FHOD3: variants seen among roughly 807,000 people sequenced by gnomAD.
FHOD3 encodes the protein formin homology 2 domain containing 3.
Under a neutral mutation model 173.0 loss-of-function variants are expected in FHOD3, and 90 were observed. That is an observed-to-expected ratio of 0.52 (90% CI 0.44 to 0.62). The LOEUF is 0.62. FHOD3 is among the 20% of genes least tolerant of loss of function. FHOD3 has a pLI of 0.00. For missense variants in FHOD3, 1,945 were observed against 2,034.7 expected (o/e 0.96, Z 0.85); for synonymous variants, 828 against 823.0 (o/e 1.01, Z -0.10).
At chr18:36,694,976 G>GGGGT (rs138882850) in intron 17 of FHOD3, among the ~76,000 whole-genome samples, 21 of 149,244 alleles carry the variant, frequency 1.4e-4, no homozygotes, top group East Asian at 4.0e-4. Flanking sequence ...TGTATACGTG[G>GGGGT]GTGTGTGTGT....
intron 3 of FHOD3, among the ~76,000 whole-genome samples, chr18:36,423,056 T>A (rs2050065962): frequency 6.6e-6 from 1 of 152,082 alleles, no homozygotes; most frequent in African/African-American, 2.4e-5. Flanking sequence ...CCTGGAGCTC[T>A]GCTTCCTGGA....
intron 3 of FHOD3, among the ~76,000 whole-genome samples, chr18:36,480,272 T>C (rs2053813570): frequency 6.6e-6 from 1 of 152,218 alleles, no homozygotes; most frequent in Non-Finnish European, 1.5e-5. Context: ...TTTCATTTGC[T>C]GTGTTGGAGC....
intron 1 of FHOD3, among the ~76,000 whole-genome samples, chr18:36,299,513 G>A (rs899355045): frequency 5.9e-5 from 9 of 152,170 alleles, no homozygotes; most frequent in Non-Finnish European, 4.4e-5. Context: ...TCATAATTGT[G>A]GCCCTGTGAC....
At chr18:36,669,362 G>T (rs2037386421) in intron 14 of FHOD3, among the ~76,000 whole-genome samples, 1 of 151,652 alleles carries the variant, frequency 6.6e-6, no homozygotes, top group Non-Finnish European at 1.5e-5. Context: ...ATATAGTGTT[G>T]AATCTTTTTT....
chr18:36,453,310 G>A (rs2051975060), intron 3 of FHOD3, among the ~76,000 whole-genome samples: 2 of 152,168 alleles, frequency 1.3e-5, no homozygotes, highest in African/African-American at 4.8e-5. Flanking sequence ...TGACAGTTTT[G>A]GTTCCCCAAC....
At chr18:36,339,340 G>A (rs539578210) in intron 1 of FHOD3, among the ~76,000 whole-genome samples, 1 of 152,310 alleles carries the variant, frequency 6.6e-6, no homozygotes, top group East Asian at 1.9e-4. Context: ...CGGGCTCATA[G>A]CCCAGAACCC....
At position 36,779,781 on chromosome 18, in the gene FHOD3, T is replaced by C. The variant is rs750495295; in HGVS notation, c.*251T>C. Reference sequence around the variant, plus strand: ...CTTGATTCCGTGACACCCGGTTTATTAGTTCAAAAGTGTGACACCTTTTCT... The same window carrying C: ...CTTGATTCCGTGACACCCGGTTTATCAGTTCAAAAGTGTGACACCTTTTCT... On this transcript the variant is annotated 3_prime_UTR_variant, in exon 29 of 29. Coordinates refer to ENST00000590592, the MANE Select transcript of FHOD3 (RefSeq NM_001281740.3). The C allele has an allele frequency of 1.1e-5, 6 of 541,424 alleles. No homozygotes were observed. The highest frequency in any genetic ancestry group is 5.7e-5 in the African/African-American group (3 of 52,946). 33.5% of individuals were successfully genotyped at this position (541,424 alleles called of 1,614,324 possible). A position where few individuals can be genotyped will look rare whatever the true frequency, so the allele number is the denominator to read the frequency against.
At chr18:36,639,607 G>C (rs560641141) in intron 10 of FHOD3, among the ~76,000 whole-genome samples, 3 of 151,394 alleles carry the variant, frequency 2.0e-5, no homozygotes, top group Non-Finnish European at 2.9e-5. Flanking sequence ...AGCTTGCAGT[G>C]AGCGGAGATC....
chr18:36,755,079 T>G (rs2150201322), intron 24 of FHOD3, 40 bp from the exon 25 acceptor site: 2 of 1,385,536 alleles, frequency 1.4e-6, no homozygotes, highest in East Asian at 5.3e-5. Context: ...TTTTATTTCT[T>G]AAAACGGAAG....
At chr18:36,444,839 C>G (rs970414952) in intron 3 of FHOD3, among the ~76,000 whole-genome samples, 1 of 152,272 alleles carries the variant, frequency 6.6e-6, no homozygotes, top group East Asian at 1.9e-4. Context: ...TTCAACAACT[C>G]TCCTATGTAA....
chr18:36,447,986 C>T (rs1175210178), intron 3 of FHOD3, among the ~76,000 whole-genome samples: 1 of 151,946 alleles, frequency 6.6e-6, no homozygotes, highest in African/African-American at 2.4e-5. Flanking sequence ...GACTTTTGTG[C>T]CTTTGGACTT....
chr18:36,336,142 CAAATTGTA>C lies in FHOD3; in HGVS notation c.166-19392_166-19385del, dbSNP rs2045297272. On this transcript the variant is annotated intron_variant, in intron 1 of 28. Transcript: ENST00000590592. ...GGCCGTAAGAAACTGCATGTTTAGG[CAAATTGTA>C]AAATAAGCAGGCGGTGGTGCTCATG... 2.0e-5 allele frequency among the ~76,000 whole-genome samples: 3 copies of C among 152,228 alleles called. No homozygotes were observed. In the East Asian group the frequency reaches 5.8e-4, roughly 29 times the overall value.
intron 2 of FHOD3, among the ~76,000 whole-genome samples, chr18:36,359,186 GTA>G (rs2046495690): frequency 6.6e-6 from 1 of 152,192 alleles, no homozygotes; most frequent in Non-Finnish European, 1.5e-5. Flanking sequence ...TAATGAAGAT[GTA>G]TGAGTCTGTG....
chr18:36,547,092 T>C (rs367556697), intron 5 of FHOD3, among the ~76,000 whole-genome samples: 121 of 152,322 alleles, frequency 7.9e-4, no homozygotes, highest in African/African-American at 2.8e-3. Context: ...TGGCCCTGTG[T>C]CCTGCCGCCT....
At chr18:36,437,635 C>A (rs1295703157) in intron 3 of FHOD3, among the ~76,000 whole-genome samples, 2 of 149,500 alleles carry the variant, frequency 1.3e-5, no homozygotes, top group Admixed American at 6.7e-5. Flanking sequence ...AGTTGGGAAG[C>A]ACTGCATTGA....
rs58493993 is a variant in FHOD3 at position 36,514,014 on chromosome 18, C to CTTTTTTTTTTTTTTTTTTTTTTTT, written c.511+1483_511+1484insTTTTTTTTTTTTTTTTTTTTTTTT. 8.6e-5 allele frequency among the ~76,000 whole-genome samples: 9 copies of CTTTTTTTTTTTTTTTTTTTTTTTT among 104,638 alleles called. 2 individuals carry two copies. Among genetic ancestry groups the CTTTTTTTTTTTTTTTTTTTTTTTT allele is most frequent in the Non-Finnish European group, 1.7e-4 (9 of 52,036 alleles). 68.6% of individuals were successfully genotyped at this position (104,638 alleles called of 152,430 possible). A position where few individuals can be genotyped will look rare whatever the true frequency, so the allele number is the denominator to read the frequency against. ...ATTGCTGAATTTTGCTATTTCTATT[C>CTTTTTTTTTTTTTTTTTTTTTTTT]TTTTTTTTTTTTGAGATGGAGTCTT... On this transcript the variant is annotated intron_variant, in intron 5 of 28. Coordinates refer to ENST00000590592, the MANE Select transcript of FHOD3 (RefSeq NM_001281740.3).
intron 5 of FHOD3, among the ~76,000 whole-genome samples, chr18:36,564,946 C>T (rs2058212673): frequency 6.6e-6 from 1 of 152,146 alleles, no homozygotes; most frequent in Non-Finnish European, 1.5e-5. Context: ...AACTTTGACA[C>T]CTTGTTGGAG....
At chr18:36,760,844 G>T (rs1341728685) in intron 27 of FHOD3, 62 bp downstream of exon 27, 6 of 1,489,512 alleles carry the variant, frequency 4.0e-6, no homozygotes, top group African/African-American at 2.8e-5. Flanking sequence ...GGGGGGGTCC[G>T]GTCTCCATCG....
intron 28 of FHOD3, among the ~76,000 whole-genome samples, chr18:36,773,264 C>A (rs142140921): frequency 1.7e-4 from 26 of 152,190 alleles, no homozygotes; most frequent in Non-Finnish European, 2.8e-4. Flanking sequence ...AAGTCCCCCC[C>A]ACAGTGTCCG....
Sources: allele counts gnomAD v4.1 joint callset (sites outside exome capture counted in the v4.1 genomes callset), GRCh38; gene constraint gnomAD v4.1.1; transcripts MANE v1.5; gene names NCBI Gene and HGNC (gene_info 2026-07-23, HGNC 2026-07-21).